The following TMEM178B variants were observed in gnomAD, a reference collection of about 807,000 sequenced individuals.
The protein encoded by TMEM178B is transmembrane protein 178B.
A neutral mutation model predicts 31.0 loss-of-function variants in TMEM178B; 5 were observed. The observed-to-expected ratio is 0.16, with a 90% CI of 0.08 to 0.34. The LOEUF (loss-of-function observed/expected upper bound fraction) is 0.34, where lower values mean the gene tolerates loss of function less well. Ranked by LOEUF, TMEM178B falls within the 10% of genes least tolerant of loss-of-function variation. The probability of loss-of-function intolerance (pLI) is 1.00; values close to 1 mark genes in which losing one functional copy is unlikely to be tolerated. For synonymous variants in TMEM178B, 164 were observed against 164.0 expected (o/e 1.00, Z 0.00); for missense variants, 275 against 400.3 (o/e 0.69, Z 2.67).
At chr7:141,231,280 GC>G (rs1563125680) in intron 2 of TMEM178B, among the ~76,000 whole-genome samples, 2 of 148,646 alleles carry the variant, frequency 1.3e-5, no homozygotes, top group South Asian at 2.2e-4. Flanking sequence ...TCTTTGCCAT[GC>G]TTTGGGGCTC....
At chr7:141,485,763 G>T in the TMEM178B span, among the ~76,000 whole-genome samples, 119 of 152,306 alleles carry the variant, frequency 7.8e-4, no homozygotes, top group Admixed American at 1.6e-3. Flanking sequence ...TCACTGGCTG[G>T]GCCTGGAGCT....
intron 3 of TMEM178B, among the ~76,000 whole-genome samples, chr7:141,466,642 G>T (rs1411862493): frequency 1.3e-5 from 2 of 151,842 alleles, no homozygotes; most frequent in Non-Finnish European, 2.9e-5. Flanking sequence ...AAAGTCCTTG[G>T]GTGACCTCAA....
chr7:141,322,530 G>A (rs905086960), intron 2 of TMEM178B, among the ~76,000 whole-genome samples: 4 of 152,074 alleles, frequency 2.6e-5, no homozygotes, highest in Admixed American at 6.6e-5. Flanking sequence ...GCAAGATTCC[G>A]TTTTAAAAAT....
Position 141,105,118 on chromosome 7 carries a change from G to A in TMEM178B, c.382+30426G>A, listed in dbSNP as rs189071276. ...GTGTGAGGTGGGAGAGGAAAGAGGG[G>A]CAAAGAGCAGGGGTCACTGTGGGAA... On this transcript the variant is annotated intron_variant, in intron 1 of 3. Transcript: ENST00000565468. 1.1e-4 allele frequency among the ~76,000 whole-genome samples: 17 copies of A among 152,270 alleles called. No homozygotes were observed. The South Asian group carries it at 1.5e-3, about 13-fold the overall frequency.
At chr7:141,145,180 TG>T (rs776846653) in intron 1 of TMEM178B, among the ~76,000 whole-genome samples, 31 of 152,310 alleles carry the variant, frequency 2.0e-4, no homozygotes, top group South Asian at 4.1e-4. Context: ...GGTTGCCCCT[TG>T]GCTCTGCTCC....
chr7:141,411,389 CTG>C (rs1278923402), intron 2 of TMEM178B, among the ~76,000 whole-genome samples: 1 of 151,902 alleles, frequency 6.6e-6, no homozygotes, highest in Non-Finnish European at 1.5e-5. Context: ...TGCCATCAAA[CTG>C]TATATTTTTT....
intron 2 of TMEM178B, among the ~76,000 whole-genome samples, chr7:141,357,886 A>G (rs1174931826): frequency 6.6e-6 from 1 of 152,230 alleles, no homozygotes; most frequent in Non-Finnish European, 1.5e-5. Flanking sequence ...TCATAAGAAC[A>G]CTAGACTGCC....
chr7:141,320,103 G>A (rs1799072385), intron 2 of TMEM178B, among the ~76,000 whole-genome samples: 2 of 152,058 alleles, frequency 1.3e-5, no homozygotes, highest in Non-Finnish European at 1.5e-5. Flanking sequence ...TTTAAAAGTG[G>A]CAATTTCCCC....
intron 2 of TMEM178B, among the ~76,000 whole-genome samples, chr7:141,357,694 G>A (rs1799845019): frequency 6.6e-6 from 1 of 152,210 alleles, no homozygotes; most frequent in Non-Finnish European, 1.5e-5. Context: ...TCGAATTTAT[G>A]GAATTAGTAT....
At chr7:141,361,952 T>A (rs1011424695) in intron 2 of TMEM178B, among the ~76,000 whole-genome samples, 2 of 152,234 alleles carry the variant, frequency 1.3e-5, no homozygotes, top group Admixed American at 1.3e-4. Context: ...GAAATTTGTC[T>A]TTGTGACACT....
the TMEM178B span, among the ~76,000 whole-genome samples, chr7:141,508,355 C>T: frequency 6.6e-6 from 1 of 152,204 alleles, no homozygotes; most frequent in African/African-American, 2.4e-5. Flanking sequence ...ATATCACTAT[C>T]AGCATTTTAG....
intron 1 of TMEM178B, among the ~76,000 whole-genome samples, chr7:141,159,405 T>A (rs972625432): frequency 6.6e-6 from 1 of 152,108 alleles, no homozygotes; most frequent in Admixed American, 6.5e-5. Flanking sequence ...CCCCCAAAAA[T>A]TAAATATAGA....
chr7:141,454,614 T>TCCTC, intron 3 of TMEM178B, among the ~76,000 whole-genome samples: 2 of 149,192 alleles, frequency 1.3e-5, no homozygotes, highest in Non-Finnish European at 3.0e-5. Flanking sequence ...TTCCTCTCCT[T>TCCTC]CCTTTCCTTT....
the TMEM178B span, among the ~76,000 whole-genome samples, chr7:141,501,262 G>A: frequency 6.6e-6 from 1 of 151,600 alleles, no homozygotes; most frequent in Non-Finnish European, 1.5e-5. Context: ...CATTAGCTCT[G>A]GTTCCCTTGA....
chr7:141,211,816 T>A (rs1563118959), intron 1 of TMEM178B, among the ~76,000 whole-genome samples: 2 of 152,202 alleles, frequency 1.3e-5, no homozygotes, highest in Non-Finnish European at 1.5e-5. Flanking sequence ...CTGATTTAAA[T>A]TCAGATTGCC....
chr7:141,218,229 C>T (rs565209487), intron 2 of TMEM178B, among the ~76,000 whole-genome samples: 18 of 152,138 alleles, frequency 1.2e-4, no homozygotes, highest in Middle Eastern at 3.4e-3. Flanking sequence ...TGGATCCTTG[C>T]ACACCTGGGG....
intron 2 of TMEM178B, among the ~76,000 whole-genome samples, chr7:141,224,668 C>G (rs992288369): frequency 6.6e-6 from 1 of 152,164 alleles, no homozygotes; most frequent in Non-Finnish European, 1.5e-5. Context: ...GCCAGGCTGT[C>G]GCAGGCTGAG....
At chr7:141,450,284 A>G (rs540538511) in intron 3 of TMEM178B, among the ~76,000 whole-genome samples, 9 of 152,370 alleles carry the variant, frequency 5.9e-5, no homozygotes, top group African/African-American at 1.9e-4. Context: ...CCATTTGAAC[A>G]TGCCCAATGC....
chr7:141,120,214 G>A (rs188806554), intron 1 of TMEM178B, among the ~76,000 whole-genome samples: 63 of 152,306 alleles, frequency 4.1e-4, no homozygotes, highest in Middle Eastern at 3.4e-3. Flanking sequence ...CCTTGGGCAA[G>A]TTCAACCTTC....
Sources: allele counts gnomAD v4.1 joint callset (sites outside exome capture counted in the v4.1 genomes callset), GRCh38; gene constraint gnomAD v4.1.1; transcripts MANE v1.5; gene names NCBI Gene and HGNC (gene_info 2026-07-23, HGNC 2026-07-21).